Variants in TMEM213 observed in about 807,000 individuals in gnomAD.
The protein encoded by TMEM213 is transmembrane protein 213.
In TMEM213, 7 loss-of-function variants were observed where a neutral mutation model predicts 11.6. The observed-to-expected ratio is 0.60, with a 90% CI of 0.34 to 1.13. The LOEUF is 1.13. Among genes scored for constraint, TMEM213 ranks in the 50% most tolerant of loss-of-function variants. The probability of loss-of-function intolerance (pLI) is 0.03; values close to 1 mark genes in which losing one functional copy is unlikely to be tolerated. For synonymous variants in TMEM213, 60 were observed against 58.3 expected (o/e 1.03, Z -0.13); for missense variants, 129 against 139.0 (o/e 0.93, Z 0.36).
At position 138,801,364 on chromosome 7, in the gene TMEM213, C is replaced by T; in HGVS notation, c.120C>T (p.His40=). The change falls in exon 2 of 3, where the codon CAC becomes CAT. Residue 40 remains histidine (H), a synonymous_variant. Coordinates refer to ENST00000442682, the MANE Select transcript of TMEM213 (RefSeq NM_001085429.2). The part of the protein sequence containing the change: ...SSSNSSSLTA[H]HPDPGTLEQC... The stretch of plus-strand genomic sequence containing the variant: ...GCAACAGCTCAAGCTTGACCGCTCA[C>T]CACCCAGACCCTGGGACCCTGGAGC... The T allele has an allele frequency of 6.2e-7, 1 of 1,611,660 alleles. No homozygotes were observed.
chr7:138,800,445 T>G (rs1808897301), intron 1 of TMEM213, among the ~76,000 whole-genome samples: 2 of 152,148 alleles, frequency 1.3e-5, no homozygotes, highest in South Asian at 2.1e-4. Context: ...CCTTTTTATC[T>G]TTCCACTCCT....
chr7:138,801,407 C>T lies in TMEM213; in HGVS notation c.154+9C>T, dbSNP rs747064000. On this transcript the variant is annotated intron_variant, in intron 2 of 2. Transcript: ENST00000442682. ...CCTGGAGCAGTGCCTCAGTAAGCTT[C>T]TCCTGCCAACTGCTCTAACCCCAGA... 56 of 1,601,598 alleles carry T rather than the reference C, an allele frequency of 3.5e-5. No homozygotes were observed. Among genetic ancestry groups the T allele is most frequent in the Non-Finnish European group, 4.4e-5 (52 of 1,174,210 alleles).
At chr7:138,801,037 G>A (rs574558695) in intron 1 of TMEM213, among the ~76,000 whole-genome samples, 1 of 152,136 alleles carries the variant, frequency 6.6e-6, no homozygotes, top group South Asian at 2.1e-4. Flanking sequence ...TATTGGATTA[G>A]GGCCCACCCA....
rs1809037370 is a variant in TMEM213 at position 138,804,184 on chromosome 7, T to C, written c.*1115T>C. 1 of 152,398 alleles carries C rather than the reference T, an allele frequency of 6.6e-6. No individual in the cohort carries two copies. Among genetic ancestry groups the C allele is most frequent in the Non-Finnish European group, 1.5e-5 (1 of 68,238 alleles). The allele number at this position is 152,398 out of a possible 1,614,324, so 9.4% of individuals were successfully genotyped here. On this transcript the variant is annotated 3_prime_UTR_variant, in exon 3 of 3. Coordinates refer to ENST00000442682, the MANE Select transcript of TMEM213 (RefSeq NM_001085429.2). ...TTCCTCCCCGGCTCATCACTCCCCA[T>C]GGGCAGCTGCCAGGGTAGGCGCTGT...
chr7:138,798,535 T>C (rs938504788), intron 1 of TMEM213, among the ~76,000 whole-genome samples: 1 of 152,172 alleles, frequency 6.6e-6, no homozygotes, highest in Non-Finnish European at 1.5e-5. Context: ...GTCCGCTGTG[T>C]CCTGAAGGCT....
intron 2 of TMEM213, chr7:138,801,667 A>G: frequency 4.2e-6 from 2 of 471,888 alleles, no homozygotes; most frequent in Non-Finnish European, 7.6e-6. Context: ...CCCTAGGTTC[A>G]AATGCTTGAA....
chr7:138,803,031 A>G lies in TMEM213; in HGVS notation c.286A>G (p.Lys96Glu). 6.2e-7 allele frequency: 1 copy of G among 1,613,768 alleles called. No individual in the cohort carries two copies. The highest frequency in any genetic ancestry group is 8.5e-7 in the Non-Finnish European group (1 of 1,179,870). The change falls in exon 3 of 3, where the codon AAG (lysine) becomes GAG (glutamate). Residue 96 changes from lysine to glutamate, a missense_variant. By Grantham distance (56) the Lys-to-Glu change is moderately conservative. Coordinates refer to ENST00000442682, the MANE Select transcript of TMEM213 (RefSeq NM_001085429.2). ...CCTGCTCTGTGTGGACAAACTGATG[A>G]AGCTGACTCCAGATGAGCCCAAGGA... ...LILLCVDKLM[K>E]LTPDEPKDLQ...
At chr7:138,802,298 C>A (rs563930804) in intron 2 of TMEM213, among the ~76,000 whole-genome samples, 48 of 152,262 alleles carry the variant, frequency 3.2e-4, no homozygotes, top group African/African-American at 1.1e-3. Context: ...GCCTGTAATA[C>A]CAGCACTTTG....
At chr7:138,801,423 T>C in intron 2 of TMEM213, 25 bp downstream of exon 2, 1 of 1,590,478 alleles carries the variant, frequency 6.3e-7, no homozygotes. Context: ...CCAACTGCTC[T>C]AACCCCAGAA....
chr7:138,802,629 G>A (rs1808984486), intron 2 of TMEM213, among the ~76,000 whole-genome samples: 1 of 152,008 alleles, frequency 6.6e-6, no homozygotes, highest in African/African-American at 2.4e-5. Flanking sequence ...GAGTCCTGCA[G>A]ACTTGCGTTT....
At chr7:138,801,544 A>C (rs1808948645) in intron 2 of TMEM213, 146 bp downstream of exon 2, 1 of 741,468 alleles carries the variant, frequency 1.3e-6, no homozygotes, top group Admixed American at 2.5e-5. Flanking sequence ...TTTGTCCCAG[A>C]ACTATTTGCA....
At chr7:138,801,215 T>G in intron 1 of TMEM213, 112 bp from the exon 2 acceptor site, 1 of 992,694 alleles carries the variant, frequency 1.0e-6, no homozygotes, top group Non-Finnish European at 1.5e-6. Flanking sequence ...ATGCGGGAGC[T>G]TCTATAATAC....
chr7:138,801,508 C>A, intron 2 of TMEM213, 110 bp downstream of exon 2: 1 of 1,010,200 alleles, frequency 9.9e-7, no homozygotes, highest in Non-Finnish European at 1.5e-6. Flanking sequence ...CAAGGGCCTG[C>A]CTGGCCTTCC....
chr7:138,801,334 C>T lies in TMEM213; in HGVS notation c.90C>T (p.Ser30=). ...TCCTATCTTTTCTTCCAGAAGCAAG[C>T]AGCAGCAACAGCTCAAGCTTGACCG... ...SLHSACSAEA[S]SSNSSSLTAH... Residue 30 remains serine (S), a synonymous_variant, in exon 2 of 3, where the codon AGC becomes AGT. Coordinates refer to ENST00000442682, the MANE Select transcript of TMEM213 (RefSeq NM_001085429.2). The T allele has an allele frequency of 6.2e-7, 1 of 1,611,890 alleles. No individual in the cohort carries two copies. Among genetic ancestry groups the T allele is most frequent in the Non-Finnish European group, 8.5e-7 (1 of 1,179,082 alleles).
At chr7:138,800,954 C>A (rs1255798273) in intron 1 of TMEM213, among the ~76,000 whole-genome samples, 11 of 152,126 alleles carry the variant, frequency 7.2e-5, no homozygotes, top group Non-Finnish European at 1.3e-4. Flanking sequence ...CCACCTCGGC[C>A]TCCCAAAATG....
At position 138,802,951 on chromosome 7, in the gene TMEM213, A is replaced by G; in HGVS notation, c.206A>G (p.Glu69Gly). The change falls in exon 3 of 3, where the codon GAG (glutamate) becomes GGG (glycine). Residue 69 changes from glutamate (E) to glycine (G), a missense_variant. Transcript: ENST00000442682. The part of the protein sequence containing the change: ...AARCCRTGVD[E>G]YGWIAAAVGW... Reference sequence around the variant, plus strand: ...CGGTGCTGCCGCACAGGAGTGGACGAGTACGGCTGGATCGCGGCAGCTGTT... The same window carrying G: ...CGGTGCTGCCGCACAGGAGTGGACGGGTACGGCTGGATCGCGGCAGCTGTT... 3.1e-6 allele frequency: 5 copies of G among 1,611,978 alleles called. No homozygotes were observed. Among genetic ancestry groups the G allele is most frequent in the Non-Finnish European group, 4.2e-6 (5 of 1,179,306 alleles).
chr7:138,802,097 C>G (rs557127207), intron 2 of TMEM213, among the ~76,000 whole-genome samples: 3 of 152,030 alleles, frequency 2.0e-5, no homozygotes, highest in African/African-American at 7.2e-5. Flanking sequence ...ACCTGGGAGG[C>G]AGAGGTTGCT....
chr7:138,800,403 G>C (rs1443227691), intron 1 of TMEM213, among the ~76,000 whole-genome samples: 1 of 152,142 alleles, frequency 6.6e-6, no homozygotes, highest in East Asian at 1.9e-4. Flanking sequence ...CACACCTCAA[G>C]ACAACAGGAC....
At position 138,805,213 on chromosome 7, in the gene TMEM213, T is replaced by TA. The variant is rs5887907; in HGVS notation, c.*2144_*2145insA. The TA allele has an allele frequency of 0.63, 92,796 of 147,656 alleles. 29,414 individuals are homozygous for TA. Among genetic ancestry groups the TA allele is most frequent in the East Asian group, 0.71 (3,579 of 5,038 alleles). 9.1% of individuals were successfully genotyped at this position (147,656 alleles called of 1,614,324 possible). A position where few individuals can be genotyped will look rare whatever the true frequency, so the allele number is the denominator to read the frequency against. On this transcript the variant is annotated 3_prime_UTR_variant, in exon 3 of 3. Transcript: ENST00000442682. ...AAGAGTCTGAGCCTGAGCAACATAA[T>TA]GAGACCCTGTCTCTACAAAAAAAAA...
Sources: gnomAD v4.1 joint callset for allele counts (sites outside exome capture counted in the v4.1 genomes callset) on GRCh38, gnomAD v4.1.1 for gene constraint, MANE v1.5 for transcripts, NCBI Gene and HGNC (gene_info 2026-07-23, HGNC 2026-07-21) for gene names.